Variants in VPS13B observed in about 807,000 individuals in gnomAD.
VPS13B encodes the protein vacuolar protein sorting 13 homolog B, also known as intermembrane lipid transfer protein VPS13B.
In VPS13B, 285 loss-of-function variants were observed where a neutral mutation model predicts 426.4. The observed-to-expected ratio is 0.67, with a 90% confidence interval of 0.61 to 0.74. The LOEUF is 0.74. VPS13B is among the 30% of genes least tolerant of loss of function. The pLI is 0.00. For synonymous variants in VPS13B, 1,676 were observed against 1,676.4 expected (o/e 1.00, Z 0.01); for missense variants, 4,537 against 4,782.6 (o/e 0.95, Z 1.51).
intron 30 of VPS13B, among the ~76,000 whole-genome samples, chr8:99,524,405 C>A (rs1385808767): frequency 1.3e-5 from 2 of 151,758 alleles, no homozygotes; most frequent in African/African-American, 4.8e-5. Flanking sequence ...CAGATATAAC[C>A]CAAGGAAGAC....
intron 19 of VPS13B, among the ~76,000 whole-genome samples, chr8:99,277,843 A>G (rs1181714320): frequency 2.6e-5 from 4 of 152,202 alleles, no homozygotes; most frequent in Admixed American, 2.6e-4. Flanking sequence ...CAGCATCTAG[A>G]CCAATACCTG....
intron 19 of VPS13B, among the ~76,000 whole-genome samples, chr8:99,342,542 G>C (rs1811310314): frequency 6.6e-6 from 1 of 151,596 alleles, no homozygotes; most frequent in Non-Finnish European, 1.5e-5. Flanking sequence ...TGTCCTCCAG[G>C]TTCATCTATG....
At chr8:99,622,163 T>C (rs539854501) in intron 33 of VPS13B, among the ~76,000 whole-genome samples, 10 of 152,328 alleles carry the variant, frequency 6.6e-5, no homozygotes, top group Admixed American at 2.0e-4. Context: ...GATTAGTAGC[T>C]GCTAACATTG....
chr8:99,532,940 G>GTTTTT (rs1359948269), intron 30 of VPS13B, among the ~76,000 whole-genome samples: 1 of 128,740 alleles, frequency 7.8e-6, no homozygotes, highest in African/African-American at 2.9e-5. Flanking sequence ...ACTGAGGGGT[G>GTTTTT]TTTTTTTTTT....
At chr8:99,697,633 C>A in intron 35 of VPS13B, 1 of 644,614 alleles carries the variant, frequency 1.6e-6, no homozygotes. Context: ...GCATCTAAAG[C>A]CACCAAGAGA....
intron 39 of VPS13B, among the ~76,000 whole-genome samples, chr8:99,730,845 C>T (rs748810512): frequency 8.6e-5 from 13 of 151,892 alleles, no homozygotes; most frequent in South Asian, 2.1e-4. Context: ...GGGACAAGTA[C>T]ATAAAACATG....
At chr8:99,482,514 G>A (rs987728161) in intron 25 of VPS13B, among the ~76,000 whole-genome samples, 3 of 152,168 alleles carry the variant, frequency 2.0e-5, no homozygotes, top group Admixed American at 6.5e-5. Context: ...AAGACATAAC[G>A]GAATAGTCAC....
At chr8:99,044,862 AC>A (rs1843143831) in intron 3 of VPS13B, among the ~76,000 whole-genome samples, 1 of 41,130 alleles carries the variant, frequency 2.4e-5, no homozygotes, top group African/African-American at 5.7e-5. Flanking sequence ...ATACACACAC[AC>A]ACACACACAC....
intron 2 of VPS13B, among the ~76,000 whole-genome samples, chr8:99,023,983 G>A (rs1177217856): frequency 6.6e-6 from 1 of 152,128 alleles, no homozygotes; most frequent in Non-Finnish European, 1.5e-5. Context: ...CTTTTGTGGT[G>A]TTTTTTATAA....
intron 37 of VPS13B, among the ~76,000 whole-genome samples, chr8:99,718,175 G>A (rs1166936811): frequency 6.6e-6 from 1 of 151,978 alleles, no homozygotes; most frequent in East Asian, 1.9e-4. Flanking sequence ...AGTCGCCTGG[G>A]CTCAAGTGAT....
intron 23 of VPS13B, 146 bp from the exon 24 acceptor site, chr8:99,467,268 G>A (rs1449395178): frequency 2.5e-6 from 2 of 807,020 alleles, no homozygotes; most frequent in Admixed American, 2.0e-5. Context: ...AAATTGTTTA[G>A]CACCGTGGTC....
chr8:99,739,650 C>T (rs1809583221), intron 39 of VPS13B, among the ~76,000 whole-genome samples: 1 of 152,230 alleles, frequency 6.6e-6, no homozygotes, highest in Non-Finnish European at 1.5e-5. Flanking sequence ...CACGCAGCAA[C>T]ATTTGCTGTT....
At chr8:99,414,612 C>T (rs1460143188) in intron 21 of VPS13B, among the ~76,000 whole-genome samples, 1 of 152,062 alleles carries the variant, frequency 6.6e-6, no homozygotes, top group African/African-American at 2.4e-5. Context: ...AAGTCAGGCC[C>T]AGTGGTGGCA....
rs750166320 is a variant in VPS13B at position 99,134,606 on chromosome 8, T to G, written c.1207-26T>G. ...ATTGCTCTTTAATACTAAATTTGAT[T>G]TACTTAATATTCTTATATTTCTTAG... is the stretch of plus-strand genomic sequence containing the variant. On this transcript the variant is annotated intron_variant, in intron 8 of 61. Transcript: ENST00000357162. 1 of 1,538,222 alleles carries G rather than the reference T, an allele frequency of 6.5e-7. No individual in the cohort carries two copies. Among genetic ancestry groups the G allele is most frequent in the East Asian group, 2.3e-5 (1 of 44,140 alleles).
At chr8:99,374,752 A>G (rs1043346401) in intron 19 of VPS13B, among the ~76,000 whole-genome samples, 7 of 152,090 alleles carry the variant, frequency 4.6e-5, no homozygotes, top group African/African-American at 1.7e-4. Flanking sequence ...TATTCTTTTA[A>G]AATTTATATT....
At chr8:99,487,261 A>G (rs562087779) in intron 25 of VPS13B, among the ~76,000 whole-genome samples, 2 of 152,292 alleles carry the variant, frequency 1.3e-5, no homozygotes, top group South Asian at 4.1e-4. Flanking sequence ...TTCACCTGGC[A>G]TTTTATCCAG....
chr8:99,818,223 C>T (rs1814156436), intron 45 of VPS13B, among the ~76,000 whole-genome samples: 2 of 152,148 alleles, frequency 1.3e-5, no homozygotes, highest in African/African-American at 4.8e-5. Context: ...TATATCTCTC[C>T]TTATGCAAAT....
At chr8:99,789,208 C>T (rs1355996039) in intron 43 of VPS13B, among the ~76,000 whole-genome samples, 1 of 152,118 alleles carries the variant, frequency 6.6e-6, no homozygotes, top group Non-Finnish European at 1.5e-5. Context: ...TTGTCAATTT[C>T]ATTAACTAGA....
intron 17 of VPS13B, among the ~76,000 whole-genome samples, chr8:99,213,845 A>G (rs1037938585): frequency 7.0e-6 from 1 of 142,062 alleles, no homozygotes; most frequent in African/African-American, 2.6e-5. Flanking sequence ...TGGCTGGGCC[A>G]CATTCCCTGT....
Sources: allele counts gnomAD v4.1 joint callset (sites outside exome capture counted in the v4.1 genomes callset), GRCh38; gene constraint gnomAD v4.1.1; transcripts MANE v1.5; gene names NCBI Gene and HGNC (gene_info 2026-07-23, HGNC 2026-07-21).